Variants in CSPP1 observed in about 807,000 individuals in gnomAD.
CSPP1 encodes the protein centrosome and spindle pole associated protein 1.
CSPP1 carries 126 observed loss-of-function variants against 164.4 expected under a neutral mutation model. The observed-to-expected ratio is 0.77, with a 90% CI of 0.66 to 0.89. CSPP1 has a LOEUF of 0.89. Ranked by LOEUF, CSPP1 falls within the 40% of genes least tolerant of loss-of-function variation. CSPP1 has a pLI of 0.00. For synonymous variants in CSPP1, 472 were observed against 476.7 expected, an observed-to-expected ratio of 0.99 and a Z score of 0.13; for missense variants, 1,395 against 1,449.8, an observed-to-expected ratio of 0.96 and a Z score of 0.61.
At chr8:67,073,093 C>T (rs1374302084) in intron 1 of CSPP1, among the ~76,000 whole-genome samples, 1 of 151,972 alleles carries the variant, frequency 6.6e-6, no homozygotes, top group Non-Finnish European at 1.5e-5. Flanking sequence ...AAATATCACG[C>T]CCTGGCAAGG....
intron 25 of CSPP1, chr8:67,173,027 C>A (rs973235531): frequency 6.6e-6 from 1 of 152,330 alleles, no homozygotes; most frequent in Non-Finnish European, 1.5e-5. Context: ...TCAGCTAGAG[C>A]TTTTTAAGTG....
intron 8 of CSPP1, among the ~76,000 whole-genome samples, chr8:67,104,970 T>A (rs867412558): frequency 0.015 from 1,728 of 112,608 alleles, 3 homozygotes; most frequent in Non-Finnish European, 0.023. Flanking sequence ...ATATATATTT[T>A]TTTTTTTTTT....
At chr8:67,161,412 A>G (rs1383055016) in intron 21 of CSPP1, among the ~76,000 whole-genome samples, 1 of 151,952 alleles carries the variant, frequency 6.6e-6, no homozygotes, top group African/African-American at 2.4e-5. Flanking sequence ...TTAGATCTAG[A>G]TTTTCGAGGT....
intron 1 of CSPP1, among the ~76,000 whole-genome samples, chr8:67,066,815 G>A (rs1585765236): frequency 6.6e-6 from 1 of 152,072 alleles, no homozygotes; most frequent in East Asian, 1.9e-4. Flanking sequence ...TTGAGACAGA[G>A]TCTCACTCTG....
intron 4 of CSPP1, among the ~76,000 whole-genome samples, chr8:67,087,858 G>A (rs1266622180): frequency 6.6e-6 from 1 of 152,206 alleles, no homozygotes; most frequent in Non-Finnish European, 1.5e-5. Context: ...AGTTCTGCAT[G>A]TAGAGACTCT....
intron 16 of CSPP1, among the ~76,000 whole-genome samples, chr8:67,133,266 A>G (rs1821601254): frequency 6.6e-6 from 1 of 152,196 alleles, no homozygotes; most frequent in African/African-American, 2.4e-5. Flanking sequence ...GCCTATCTGT[A>G]TGTCTCTACA....
At chr8:67,079,327 T>C (rs1808644011) in intron 3 of CSPP1, among the ~76,000 whole-genome samples, 1 of 152,228 alleles carries the variant, frequency 6.6e-6, no homozygotes, top group Admixed American at 6.5e-5. Flanking sequence ...CAAAATTAAC[T>C]TATACTCTTG....
intron 17 of CSPP1, among the ~76,000 whole-genome samples, chr8:67,147,596 T>TGG (rs1824850278): frequency 6.6e-6 from 1 of 152,178 alleles, no homozygotes. Flanking sequence ...AAAAGCCTGA[T>TGG]GACCTAATTT....
intron 16 of CSPP1, among the ~76,000 whole-genome samples, chr8:67,133,027 T>G (rs947561865): frequency 6.6e-6 from 1 of 152,214 alleles, no homozygotes; most frequent in Non-Finnish European, 1.5e-5. Context: ...CAACCTTTTT[T>G]GTATGTTAGG....
chr8:67,070,513 A>G (rs1432069109), intron 1 of CSPP1, among the ~76,000 whole-genome samples: 1 of 151,044 alleles, frequency 6.6e-6, no homozygotes, highest in Non-Finnish European at 1.5e-5. Flanking sequence ...GCTGGCAGTT[A>G]TAATCCCAGT....
At chr8:67,172,865 G>A (rs1830742317) in intron 25 of CSPP1, 1 of 194,094 alleles carries the variant, frequency 5.2e-6, no homozygotes, top group Non-Finnish European at 1.0e-5. Flanking sequence ...ACAAAGATGA[G>A]CTCATGAAAA....
chr8:67,065,729 T>G (rs943352191), intron 1 of CSPP1, among the ~76,000 whole-genome samples: 7 of 152,060 alleles, frequency 4.6e-5, no homozygotes, highest in Non-Finnish European at 1.0e-4. Flanking sequence ...GGGTTTCACC[T>G]TGTTGGCCAG....
intron 11 of CSPP1, 145 bp downstream of exon 11, chr8:67,114,007 A>G (rs1817422921): frequency 1.9e-6 from 1 of 534,980 alleles, no homozygotes; most frequent in Non-Finnish European, 3.4e-6. Context: ...CAGTTCTCAT[A>G]AAGTGTAAAT....
chr8:67,089,480 T>C (rs1328594699), intron 4 of CSPP1, among the ~76,000 whole-genome samples: 3 of 152,252 alleles, frequency 2.0e-5, no homozygotes, highest in African/African-American at 7.2e-5. Context: ...ATTTCTGTTC[T>C]TCCCACCCTC....
chr8:67,106,101 C>A, intron 9 of CSPP1, 126 bp downstream of exon 9: 1 of 611,650 alleles, frequency 1.6e-6, no homozygotes, highest in Non-Finnish European at 2.9e-6. Context: ...TAAGTGCTTA[C>A]TTTACACTAG....
intron 24 of CSPP1, among the ~76,000 whole-genome samples, chr8:67,171,815 T>C (rs565185310): frequency 1.3e-5 from 2 of 151,904 alleles, no homozygotes; most frequent in South Asian, 4.2e-4. Flanking sequence ...CCCAAAGTGC[T>C]GGGATTACAG....
At chr8:67,098,894 G>A (rs1026168798) in intron 7 of CSPP1, among the ~76,000 whole-genome samples, 29 of 151,100 alleles carry the variant, frequency 1.9e-4, no homozygotes, top group African/African-American at 6.3e-4. Flanking sequence ...TAAAAATTGG[G>A]AAAGAATGGA....
chr8:67,160,552 T>A (rs1267443228), intron 21 of CSPP1, among the ~76,000 whole-genome samples: 1 of 151,240 alleles, frequency 6.6e-6, no homozygotes, highest in Non-Finnish European at 1.5e-5. Context: ...AAAATGCTAT[T>A]TTTTAAGGAA....
chr8:67,070,642 C>CA (rs1806556322), intron 1 of CSPP1, among the ~76,000 whole-genome samples: 1 of 151,046 alleles, frequency 6.6e-6, no homozygotes, highest in South Asian at 2.1e-4. Flanking sequence ...CTCTAAAAAA[C>CA]AAAAAACAAC....
Sources: allele counts gnomAD v4.1 joint callset (sites outside exome capture counted in the v4.1 genomes callset), GRCh38; gene constraint gnomAD v4.1.1; transcripts MANE v1.5; gene names NCBI Gene and HGNC (gene_info 2026-07-23, HGNC 2026-07-21).